Variants in GALNTL6 observed in about 807,000 individuals in gnomAD.
GALNTL6 encodes the protein polypeptide N-acetylgalactosaminyltransferase-like 6.
GALNTL6 carries 46 observed loss-of-function variants against 73.7 expected under a neutral mutation model. That is an observed-to-expected ratio of 0.62 (90% CI 0.49 to 0.80). GALNTL6 has a LOEUF of 0.80. Among genes scored for constraint, GALNTL6 ranks in the 30% least tolerant of loss-of-function variants. GALNTL6 has a pLI of 0.00. For missense variants in GALNTL6, 604 were observed against 755.0 expected (o/e 0.80, Z 2.34); for synonymous variants, 259 against 263.7 (o/e 0.98, Z 0.17).
intron 8 of GALNTL6, among the ~76,000 whole-genome samples, chr4:172,885,812 A>T (rs1217734237): frequency 6.6e-6 from 1 of 152,168 alleles, no homozygotes; most frequent in Non-Finnish European, 1.5e-5. Flanking sequence ...TATCAAAATG[A>T]TCCTATGCTT....
chr4:172,821,583 A>G (rs1226891270), intron 7 of GALNTL6, among the ~76,000 whole-genome samples: 1 of 152,206 alleles, frequency 6.6e-6, no homozygotes, highest in Non-Finnish European at 1.5e-5. Flanking sequence ...TCAGTTACTA[A>G]TGAAGGGAAA....
At chr4:172,815,881 A>T (rs1741575835) in intron 7 of GALNTL6, among the ~76,000 whole-genome samples, 1 of 152,188 alleles carries the variant, frequency 6.6e-6, no homozygotes, top group Non-Finnish European at 1.5e-5. Context: ...TAATAAATGT[A>T]ACTTGCAGGA....
At chr4:172,762,297 C>A (rs781070598) in intron 5 of GALNTL6, among the ~76,000 whole-genome samples, 2 of 152,154 alleles carry the variant, frequency 1.3e-5, no homozygotes, top group Non-Finnish European at 2.9e-5. Context: ...ATATTCACTT[C>A]TTGAGACACC....
intron 5 of GALNTL6, among the ~76,000 whole-genome samples, chr4:172,405,427 ATATATATATATATATATTTTTT>A (rs1464002230): frequency 0.03 from 565 of 19,138 alleles, 4 homozygotes; most frequent in African/African-American, 0.075. Flanking sequence ...ATATATATAT[ATATATATATATATATATTTTTT>A]TTTTTTTTTT....
chr4:172,923,277 C>T (rs941827660), intron 8 of GALNTL6, among the ~76,000 whole-genome samples: 1 of 152,106 alleles, frequency 6.6e-6, no homozygotes, highest in Admixed American at 6.5e-5. Flanking sequence ...GAGCAAGTCA[C>T]ATCTTACATG....
intron 5 of GALNTL6, among the ~76,000 whole-genome samples, chr4:172,767,922 C>T (rs1241903485): frequency 2.6e-5 from 4 of 152,054 alleles, no homozygotes; most frequent in Non-Finnish European, 4.4e-5. Flanking sequence ...CCGGTGTCAG[C>T]CTCCCAAAGT....
intron 7 of GALNTL6, among the ~76,000 whole-genome samples, chr4:172,861,318 C>CTTGTGT (rs772337885): frequency 2.1e-5 from 3 of 140,774 alleles, no homozygotes; most frequent in Admixed American, 2.1e-4. Flanking sequence ...TTTTTGCTTA[C>CTTGTGT]ATGTGTGTGT....
chr4:172,318,783 G>A (rs923502057), intron 4 of GALNTL6, among the ~76,000 whole-genome samples: 1 of 147,376 alleles, frequency 6.8e-6, no homozygotes, highest in Non-Finnish European at 1.5e-5. Context: ...AAGGGAACTG[G>A]AGTCTAAAAG....
At chr4:172,150,520 G>T (rs772981646) in intron 2 of GALNTL6, among the ~76,000 whole-genome samples, 4 of 152,204 alleles carry the variant, frequency 2.6e-5, no homozygotes, top group Non-Finnish European at 5.9e-5. Flanking sequence ...TTGAGAAAGT[G>T]TTCTTTTAGC....
rs566772786 is a variant in GALNTL6 at position 172,229,755 on chromosome 4, A to G, written c.238A>G (p.Met80Val). Residue 80 changes from methionine to valine, a missense_variant, in exon 3 of 13, where the codon ATG becomes GTG. By Grantham distance (21) the Met-to-Val change is conservative. Around this residue, in one of 5 missense-constraint regions of GALNTL6, gnomAD observed 141 missense variants for 156.6 expected, o/e 0.90. Transcript: ENST00000506823. Reference sequence around the variant, plus strand: ...CTATGAAAGCATTCAGAAAGAGGCTATGCGCTCAGGTATGAAGCTCAGTGT... The same window carrying G: ...CTATGAAAGCATTCAGAAAGAGGCTGTGCGCTCAGGTATGAAGCTCAGTGT... ...HDYESIQKEA[M>V]RSGKGEHGKP... 24 of 1,607,412 alleles carry G rather than the reference A, an allele frequency of 1.5e-5. No individual in the cohort carries two copies. The Middle Eastern group carries it at 1.2e-3, about 78-fold the overall frequency.
At chr4:172,481,519 CCATTTTACAGAGAGCTGATTGGTT>C (rs1260928166) in intron 5 of GALNTL6, among the ~76,000 whole-genome samples, 19 of 149,850 alleles carry the variant, frequency 1.3e-4, no homozygotes, top group African/African-American at 4.8e-4. Context: ...GCTGATTGGT[CCATTTTACAGAGAGCTGATTGGTT>C]CGTTTTACAG....
At chr4:172,192,508 A>C (rs1203831855) in intron 2 of GALNTL6, among the ~76,000 whole-genome samples, 2 of 152,076 alleles carry the variant, frequency 1.3e-5, no homozygotes, top group East Asian at 3.9e-4. Context: ...CTGACTAGGC[A>C]GTCGGAGTGA....
rs189250729 is a variant in GALNTL6 at position 172,643,527 on chromosome 4, A to G, written c.554-165834A>G. On this transcript the variant is annotated intron_variant, in intron 5 of 12. Transcript: ENST00000506823. ...TCAAGAATCAGAATATTGCTAGAAT[A>G]TTACCAGCACACCAGATGTCTCCCT... Among the ~76,000 whole-genome samples, 89 of 152,096 alleles carry G rather than the reference A, an allele frequency of 5.9e-4. 1 individual carries two copies. In the East Asian group the frequency reaches 0.017, roughly 28 times the overall value.
At chr4:172,840,442 C>T (rs1166829059) in intron 7 of GALNTL6, among the ~76,000 whole-genome samples, 1 of 152,136 alleles carries the variant, frequency 6.6e-6, no homozygotes, top group Non-Finnish European at 1.5e-5. Context: ...CATATTAGGA[C>T]AAGCAAATCT....
At chr4:172,102,700 T>C (rs1339235176) in intron 2 of GALNTL6, among the ~76,000 whole-genome samples, 1 of 152,230 alleles carries the variant, frequency 6.6e-6, no homozygotes, top group Non-Finnish European at 1.5e-5. Flanking sequence ...AATTGTTTAC[T>C]GCAAGAGCAT....
chr4:172,883,392 G>A (rs909893972), intron 8 of GALNTL6, among the ~76,000 whole-genome samples: 5 of 152,220 alleles, frequency 3.3e-5, no homozygotes, highest in Admixed American at 6.5e-5. Flanking sequence ...TGCACAAGAA[G>A]TGTGGTGCTG....
At chr4:172,030,742 ATATTT>A (rs1741741133) in intron 2 of GALNTL6, among the ~76,000 whole-genome samples, 6 of 151,604 alleles carry the variant, frequency 4.0e-5, no homozygotes, top group African/African-American at 1.4e-4. Context: ...CATATTTTAT[ATATTT>A]TATTTTATAT....
chr4:172,907,947 G>C (rs1746996770), intron 8 of GALNTL6, among the ~76,000 whole-genome samples: 2 of 152,146 alleles, frequency 1.3e-5, no homozygotes, highest in Non-Finnish European at 2.9e-5. Flanking sequence ...AGTTGCCAGA[G>C]TCATCACTCT....
At chr4:171,930,121 C>T (rs1403576769) in intron 2 of GALNTL6, among the ~76,000 whole-genome samples, 3 of 152,262 alleles carry the variant, frequency 2.0e-5, no homozygotes, top group Non-Finnish European at 4.4e-5. Flanking sequence ...CACATACCTG[C>T]ACCCAACCCT....
Sources: gnomAD v4.1 joint callset for allele counts (sites outside exome capture counted in the v4.1 genomes callset) on GRCh38, gnomAD v4.1.1 for gene constraint, gnomAD v4.1.1 regional missense constraint, MANE v1.5 for transcripts, NCBI Gene and HGNC (gene_info 2026-07-23, HGNC 2026-07-21) for gene names.